The following F2R variants were observed in gnomAD, a reference collection of about 807,000 sequenced individuals.
The protein encoded by F2R is proteinase-activated receptor 1.
Under a neutral mutation model 18.3 loss-of-function variants are expected in F2R, and 12 were observed. The observed-to-expected ratio is 0.66, with a 90% confidence interval of 0.42 to 1.06. The LOEUF is 1.06. Among genes scored for constraint, F2R ranks in the 50% least tolerant of loss-of-function variants. The probability of loss-of-function intolerance (pLI) is 0.00; values close to 1 mark genes in which losing one functional copy is unlikely to be tolerated. For synonymous variants in F2R, 210 were observed against 219.9 expected, an observed-to-expected ratio of 0.95 and a Z score of 0.40; for missense variants, 438 against 530.8, an observed-to-expected ratio of 0.83 and a Z score of 1.72.
At chr5:76,726,558 G>A (rs370939616) in intron 1 of F2R, among the ~76,000 whole-genome samples, 82 of 151,816 alleles carry the variant, frequency 5.4e-4, no homozygotes, top group African/African-American at 1.9e-3. Context: ...AAAATTAGCT[G>A]GGCATGGCGG....
intron 1 of F2R, among the ~76,000 whole-genome samples, chr5:76,726,493 C>T (rs1283762786): frequency 2.6e-5 from 4 of 151,052 alleles, no homozygotes; most frequent in Non-Finnish European, 2.9e-5. Context: ...ATAGAGATAG[C>T]GCCACTGCAG....
At chr5:76,724,638 C>T (rs763647308) in intron 1 of F2R, among the ~76,000 whole-genome samples, 1 of 152,190 alleles carries the variant, frequency 6.6e-6, no homozygotes, top group Non-Finnish European at 1.5e-5. Context: ...GTCTTCAACT[C>T]ATGGATCTTA....
intron 1 of F2R, chr5:76,716,618 C>T: frequency 1.4e-6 from 1 of 727,710 alleles, no homozygotes. Flanking sequence ...TTGGAGGGTG[C>T]AGCCCGCCTG....
At chr5:76,721,086 C>G (rs776869913) in intron 1 of F2R, among the ~76,000 whole-genome samples, 4 of 152,190 alleles carry the variant, frequency 2.6e-5, no homozygotes, top group Non-Finnish European at 5.9e-5. Context: ...GAATTCTAGG[C>G]GTGAGCCACC....
chr5:76,733,219 C>T lies in F2R; in HGVS notation c.994C>T (p.Leu332Phe). ...FIICFGPTNV[L>F]LIAHYSFLSH... is the part of the protein sequence containing the mutation. ...CATTTGCTTCGGACCCACAAACGTCCTCCTGATTGCGCATTACTCATTCCT... is the reference window on the plus strand; with the variant it reads ...CATTTGCTTCGGACCCACAAACGTCTTCCTGATTGCGCATTACTCATTCCT... The change falls in exon 2 of 2, where the codon CTC becomes TTC. Residue 332 changes from leucine (L) to phenylalanine (F), a missense_variant. Coordinates refer to ENST00000319211, the MANE Select transcript of F2R (RefSeq NM_001992.5). 1 of 1,614,194 alleles carries T rather than the reference C, an allele frequency of 6.2e-7. No individual in the cohort carries two copies. The highest frequency in any genetic ancestry group is 8.5e-7 in the Non-Finnish European group (1 of 1,180,032).
Position 76,732,808 on chromosome 5 carries a change from G to C in F2R, c.583G>C (p.Val195Leu). Residue 195 changes from valine (V) to leucine (L), a missense_variant, in exon 2 of 2, where the codon GTC becomes CTC. Val to Leu is a conservative substitution (Grantham distance 32). Coordinates refer to ENST00000319211, the MANE Select transcript of F2R (RefSeq NM_001992.5). The stretch of plus-strand genomic sequence containing the variant: ...GTACGCCTCTATCTTGCTCATGACA[G>C]TCATAAGCATTGACCGGTTTCTGGC... Reference protein sequence around the residue: ...NMYASILLMTVISIDRFLAVV... With the variant: ...NMYASILLMTLISIDRFLAVV... 6.2e-7 allele frequency: 1 copy of C among 1,614,186 alleles called. No individual in the cohort carries two copies.
chr5:76,722,751 G>A (rs1311687029), intron 1 of F2R, among the ~76,000 whole-genome samples: 2 of 152,144 alleles, frequency 1.3e-5, no homozygotes, highest in Admixed American at 1.3e-4. Context: ...AGGAGTTGGA[G>A]ACCAGCTTGG....
Position 76,732,940 on chromosome 5 carries a change from C to T in F2R, c.715C>T (p.Leu239Phe), listed in dbSNP as rs772218979. The T allele has an allele frequency of 3.7e-6, 6 of 1,614,192 alleles. No individual in the cohort carries two copies. Among genetic ancestry groups the T allele is most frequent in the Non-Finnish European group, 5.1e-6 (6 of 1,180,044 alleles). Reference sequence around the variant, plus strand: ...CATCGCAGGGGTAGTGCCTCTGCTCCTCAAGGAGCAAACCATCCAGGTGCC... The same window carrying T: ...CATCGCAGGGGTAGTGCCTCTGCTCTTCAAGGAGCAAACCATCCAGGTGCC... Reference protein sequence around the residue: ...LAIAGVVPLLLKEQTIQVPGL... With the variant: ...LAIAGVVPLLFKEQTIQVPGL... Residue 239 changes from leucine (L) to phenylalanine (F), a missense_variant, in exon 2 of 2, where the codon CTC becomes TTC. Physicochemically the swap from Leu to Phe is conservative, Grantham distance 22 (BLOSUM62 0). Transcript: ENST00000319211.
intron 1 of F2R, among the ~76,000 whole-genome samples, chr5:76,724,001 T>C (rs1002623984): frequency 6.6e-6 from 1 of 152,228 alleles, no homozygotes; most frequent in African/African-American, 2.4e-5. Flanking sequence ...AGATTAGAAC[T>C]CTTTTTTCCA....
In F2R at chr5:76,735,034, C is replaced by G. The variant is rs555415377; in HGVS notation, c.*1531C>G. ...TTAAGACTTAATGAGACTTTAAAAG[C>G]ATTTTTTAACCTCCTAAGTATCAAG... On this transcript the variant is annotated 3_prime_UTR_variant, in exon 2 of 2. Coordinates refer to ENST00000319211, the MANE Select transcript of F2R (RefSeq NM_001992.5). 1.3e-5 allele frequency: 2 copies of G among 152,392 alleles called. No individual in the cohort carries two copies. Among genetic ancestry groups the G allele is most frequent in the East Asian group, 3.8e-4 (2 of 5,330 alleles). The allele number at this position is 152,392 out of a possible 1,614,324, so 9.4% of individuals were successfully genotyped here.
chr5:76,719,112 C>G (rs2150579829), intron 1 of F2R, among the ~76,000 whole-genome samples: 1 of 152,324 alleles, frequency 6.6e-6, no homozygotes, highest in East Asian at 1.9e-4. Flanking sequence ...CCATACCCGC[C>G]ACGTTCATGT....
In F2R at chr5:76,732,417, T is replaced by C. The variant is rs1174148400; in HGVS notation, c.192T>C (p.Ser64=). The change falls in exon 2 of 2, where the codon AGT becomes AGC. Residue 64 remains serine, a synonymous_variant. Transcript: ENST00000319211. ...GGGAGGATGAGGAGAAAAATGAAAGTGGGTTAACTGAATACAGATTAGTCT... is the reference window on the plus strand; with the variant it reads ...GGGAGGATGAGGAGAAAAATGAAAGCGGGTTAACTGAATACAGATTAGTCT... The part of the protein sequence containing the change: ...PFWEDEEKNE[S]GLTEYRLVSI... The C allele has an allele frequency of 1.9e-6, 3 of 1,614,062 alleles. No individual in the cohort carries two copies. Among genetic ancestry groups the C allele is most frequent in the Non-Finnish European group, 2.5e-6 (3 of 1,180,016 alleles).
At chr5:76,731,849 G>A (rs1342156027) in intron 1 of F2R, among the ~76,000 whole-genome samples, 6 of 152,144 alleles carry the variant, frequency 3.9e-5, no homozygotes, top group Non-Finnish European at 8.8e-5. Flanking sequence ...AACTTTCTAT[G>A]TGGATTTTTC....
intron 1 of F2R, among the ~76,000 whole-genome samples, chr5:76,722,619 C>T (rs2150580901): frequency 6.6e-6 from 1 of 152,330 alleles, no homozygotes; most frequent in South Asian, 2.1e-4. Flanking sequence ...GAGGAGGCCT[C>T]TGATATTGGC....
chr5:76,731,508 C>CTT (rs112086507), intron 1 of F2R, among the ~76,000 whole-genome samples: 7 of 141,148 alleles, frequency 5.0e-5, no homozygotes, highest in African/African-American at 1.8e-4. Flanking sequence ...ATCCCCTCTA[C>CTT]TTTTTTTTTT....
rs576223934 is a variant in F2R, at chr5:76,729,355, T to A, written c.89-2959T>A. 2.0e-5 allele frequency among the ~76,000 whole-genome samples: 3 copies of A among 152,370 alleles called. No homozygotes were observed. The South Asian group carries it at 6.2e-4, about 32-fold the overall frequency. On this transcript the variant is annotated intron_variant, in intron 1 of 1. Transcript: ENST00000319211. ...TTTGTCCATTTTTAAATCAGGTGAT[T>A]TGTTATCTTGCTGTTGAGTTATAGG... is the stretch of plus-strand genomic sequence containing the variant.
chr5:76,727,763 C>CT (rs201845492), intron 1 of F2R, among the ~76,000 whole-genome samples: 4,638 of 122,710 alleles, frequency 0.038, 86 homozygotes, highest in Middle Eastern at 0.071. Flanking sequence ...AAATATTTTT[C>CT]TTTTTTTTTT....
intron 1 of F2R, among the ~76,000 whole-genome samples, chr5:76,719,960 G>A (rs967625533): frequency 6.6e-6 from 1 of 152,178 alleles, no homozygotes; most frequent in African/African-American, 2.4e-5. Flanking sequence ...AAGAGATATT[G>A]CTAGTAAACC....
chr5:76,722,378 G>C (rs1452030915), intron 1 of F2R, among the ~76,000 whole-genome samples: 1 of 152,204 alleles, frequency 6.6e-6, no homozygotes, highest in African/African-American at 2.4e-5. Context: ...CGGGGAACCT[G>C]AGTAGTTCCC....
Sources: allele counts gnomAD v4.1 joint callset (sites outside exome capture counted in the v4.1 genomes callset), GRCh38; gene constraint gnomAD v4.1.1; transcripts MANE v1.5; gene names NCBI Gene and HGNC (gene_info 2026-07-23, HGNC 2026-07-21).